The following PACS2 variants were observed in gnomAD, a reference collection of about 807,000 sequenced individuals.
PACS2 encodes the protein phosphofurin acidic cluster sorting protein 2, also known as PACS1-like protein.
In PACS2, 36 loss-of-function variants were observed where a neutral mutation model predicts 113.0. That is an observed-to-expected ratio of 0.32 (90% CI 0.24 to 0.42). The LOEUF is 0.42. Among genes scored for constraint, PACS2 ranks in the 10% least tolerant of loss-of-function variants. The pLI is 1.00. For synonymous variants in PACS2, 589 were observed against 536.1 expected, an observed-to-expected ratio of 1.10 and a Z score of -1.36; for missense variants, 1,015 against 1,239.5, an observed-to-expected ratio of 0.82 and a Z score of 2.72.
rs587729031 is a variant in PACS2 at position 105,364,939 on chromosome 14, C to T, written c.424-2274C>T. ...TCTCAAACTCCTGAGCTCAAGCCAT[C>T]CACCTGCCTCAACCTCCCAAAGTGT... On this transcript the variant is annotated intron_variant, in intron 4 of 24. Coordinates refer to ENST00000447393, the MANE Select transcript of PACS2 (RefSeq NM_001100913.3). Among the ~76,000 whole-genome samples, 12 of 152,294 alleles carry T rather than the reference C, an allele frequency of 7.9e-5. No homozygotes were observed. In the East Asian group the frequency reaches 2.3e-3, roughly 29 times the overall value.
intron 3 of PACS2, 24 bp downstream of exon 3, chr14:105,352,491 G>C (rs1283794690): frequency 1.4e-6 from 2 of 1,455,504 alleles, no homozygotes; most frequent in African/African-American, 2.8e-5. Context: ...CAGTGGTGAC[G>C]ACACCCTCAT....
intron 1 of PACS2, among the ~76,000 whole-genome samples, chr14:105,322,952 G>T (rs2058955693): frequency 6.6e-6 from 1 of 152,198 alleles, no homozygotes; most frequent in Non-Finnish European, 1.5e-5. Context: ...CTGGTTGTAC[G>T]ATGCTGGGGT....
chr14:105,304,782 A>G (rs1484560599), intron 1 of PACS2, among the ~76,000 whole-genome samples: 1 of 152,272 alleles, frequency 6.6e-6, no homozygotes, highest in Non-Finnish European at 1.5e-5. Context: ...TCTTACGTGG[A>G]TGGCAGCAGG....
intron 8 of PACS2, chr14:105,371,897 G>T (rs1456195775): frequency 1.3e-5 from 2 of 152,264 alleles, no homozygotes; most frequent in African/African-American, 4.8e-5. Context: ...CCCATAGAGG[G>T]CACCTTCTGT....
rs782151830 is a variant in PACS2, at chr14:105,391,263, A to G, written c.2119+14A>G. On this transcript the variant is annotated intron_variant, in intron 21 of 24. Transcript: ENST00000447393. ...CGGCCACATCAGGTAACCCCGTCCCACCCTGAGGCCTTGTGAGTGGCCCGT... is the reference window on the plus strand; with the variant it reads ...CGGCCACATCAGGTAACCCCGTCCCGCCCTGAGGCCTTGTGAGTGGCCCGT... 2 of 1,605,956 alleles carry G rather than the reference A, an allele frequency of 1.2e-6. No individual in the cohort carries two copies. The highest frequency in any genetic ancestry group is 1.7e-6 in the Non-Finnish European group (2 of 1,172,982).
chr14:105,379,934 G>C lies in PACS2; in HGVS notation c.1050+105G>C, dbSNP rs1459962902. ...CCTGGGCCCAGGGCCCTGTCCAGCT[G>C]TCCTGGAGCCACTCTGCACCCACTG... On this transcript the variant is annotated intron_variant, in intron 10 of 24. Coordinates refer to ENST00000447393, the MANE Select transcript of PACS2 (RefSeq NM_001100913.3). 2.2e-6 allele frequency: 3 copies of C among 1,357,208 alleles called. No homozygotes were observed. The Middle Eastern group carries it at 5.5e-4, about 251-fold the overall frequency. 84.1% of individuals were successfully genotyped at this position (1,357,208 alleles called of 1,614,324 possible). A position where few individuals can be genotyped will look rare whatever the true frequency, so the allele number is the denominator to read the frequency against.
At chr14:105,349,421 G>A (rs943273985) in intron 2 of PACS2, among the ~76,000 whole-genome samples, 20 of 152,172 alleles carry the variant, frequency 1.3e-4, no homozygotes, top group East Asian at 7.7e-4. Flanking sequence ...TCAGCTCCTC[G>A]AGGATGGGGC....
At chr14:105,322,440 A>G (rs1043623523) in intron 1 of PACS2, among the ~76,000 whole-genome samples, 14 of 149,820 alleles carry the variant, frequency 9.3e-5, no homozygotes, top group African/African-American at 4.9e-5. Flanking sequence ...ATTTTTTTGT[A>G]TTTTTAGTAG....
At position 105,344,409 on chromosome 14, in the gene PACS2, G is replaced by A. The variant is rs140572980; in HGVS notation, c.120-4084G>A. On this transcript the variant is annotated intron_variant, in intron 1 of 24. Coordinates refer to ENST00000447393, the MANE Select transcript of PACS2 (RefSeq NM_001100913.3). ...CAGTTCAAGTGATTCTCCCACACCC[G>A]GCCCAGAAAATTTAACAATTAATTC... Among the ~76,000 whole-genome samples, 693 of 152,030 alleles carry A rather than the reference G, an allele frequency of 4.6e-3. 9 individuals carry two copies. The highest frequency in any genetic ancestry group is 0.015 in the African/African-American group (634 of 41,458).
upstream of PACS2, among the ~76,000 whole-genome samples, chr14:105,311,313 G>A (rs1249876900): frequency 6.6e-6 from 1 of 152,010 alleles, no homozygotes; most frequent in Non-Finnish European, 1.5e-5. Context: ...GAGTGCAGTG[G>A]TGTGATCCTG....
chr14:105,364,341 TGTGGTGGGC>T (rs1566943145), intron 4 of PACS2, among the ~76,000 whole-genome samples: 5,770 of 45,398 alleles, frequency 0.13, 787 homozygotes, highest in African/African-American at 0.4. Flanking sequence ...GGCCCGGGGG[TGTGGTGGGC>T]GGTGTCCCGG....
chr14:105,343,781 T>C (rs966383459), intron 1 of PACS2, among the ~76,000 whole-genome samples: 3 of 151,944 alleles, frequency 2.0e-5, no homozygotes, highest in African/African-American at 7.3e-5. Flanking sequence ...CTGCAACCTT[T>C]ACCTCCCTGG....
intron 22 of PACS2, chr14:105,392,294 C>T (rs1016177597): frequency 3.9e-5 from 16 of 413,468 alleles, no homozygotes; most frequent in Admixed American, 2.1e-4. Context: ...TGTTTCCAGC[C>T]GCCGGCTCCT....
At chr14:105,379,987 G>A (rs1555411510) in intron 10 of PACS2, 93 bp from the exon 11 acceptor site, 120 of 1,357,942 alleles carry the variant, frequency 8.8e-5, no homozygotes, top group South Asian at 2.7e-4. Context: ...CAGGTACCCC[G>A]GGCCTCCCTG....
At chr14:105,372,609 TAAA>T (rs2141179735) in intron 8 of PACS2, 1 of 152,290 alleles carries the variant, frequency 6.6e-6, no homozygotes, top group East Asian at 1.9e-4. Flanking sequence ...AAGGTACTGT[TAAA>T]AGAATGAAAA....
Position 105,348,643 on chromosome 14 carries a change from G to C in PACS2, c.207+63G>C. The C allele has an allele frequency of 1.7e-6, 2 of 1,210,108 alleles. No individual in the cohort carries two copies. The highest frequency in any genetic ancestry group is 2.4e-6 in the Non-Finnish European group (2 of 819,542). 75.0% of individuals were successfully genotyped at this position (1,210,108 alleles called of 1,614,324 possible). On this transcript the variant is annotated intron_variant, in intron 2 of 24. Transcript: ENST00000447393. This position sits in a 1 kb window ranked among gnomAD's most constrained non-coding sequence, Gnocchi z 6.4. ...GTGTAGGCTTTCCATGTGCCTGGGA[G>C]ACGAGTCAGGCGGTGCGCTACTGTG...
At chr14:105,343,117 C>T (rs1350201468) in intron 1 of PACS2, among the ~76,000 whole-genome samples, 1 of 152,148 alleles carries the variant, frequency 6.6e-6, no homozygotes, top group Non-Finnish European at 1.5e-5. Flanking sequence ...CCAGCTCTGC[C>T]TTTTCCAGAG....
intron 4 of PACS2, 52 bp from the exon 5 acceptor site, chr14:105,367,161 C>G: frequency 6.4e-7 from 1 of 1,559,712 alleles, no homozygotes; most frequent in Non-Finnish European, 8.8e-7. Context: ...ATCAGGGCAC[C>G]GGGGCTCCTT....
chr14:105,382,191 G>C, intron 13 of PACS2, 133 bp downstream of exon 13: 1 of 1,070,432 alleles, frequency 9.3e-7, no homozygotes, highest in African/African-American at 1.6e-5. Flanking sequence ...GCTTTGGAGG[G>C]CTCCTGCTAC....
Sources: gnomAD v4.1 joint callset for allele counts (sites outside exome capture counted in the v4.1 genomes callset) on GRCh38, gnomAD v4.1.1 for gene constraint, Gnocchi (gnomAD v3.1) non-coding constraint, MANE v1.5 for transcripts, NCBI Gene and HGNC (gene_info 2026-07-23, HGNC 2026-07-21) for gene names.